Variants in RNF144A observed in about 807,000 individuals in gnomAD.
The protein encoded by RNF144A is E3 ubiquitin-protein ligase RNF144A.
Under a neutral mutation model 38.7 loss-of-function variants are expected in RNF144A, and 11 were observed. That is an observed-to-expected ratio of 0.28 (90% confidence interval 0.18 to 0.47). RNF144A has a LOEUF of 0.47. Ranked by LOEUF, RNF144A falls within the 20% of genes least tolerant of loss-of-function variation. The pLI is 0.99. For synonymous variants in RNF144A, 149 were observed against 143.9 expected, an observed-to-expected ratio of 1.04 and a Z score of -0.25; for missense variants, 316 against 377.2, an observed-to-expected ratio of 0.84 and a Z score of 1.34.
At position 6,955,684 on chromosome 2, in the gene RNF144A, A is replaced by G. The variant is rs1028796886; in HGVS notation, c.-12+14537A>G. Among the ~76,000 whole-genome samples, 15 of 152,274 alleles carry G rather than the reference A, an allele frequency of 9.9e-5. No homozygotes were observed. In the East Asian group the frequency reaches 2.7e-3, roughly 27 times the overall value. ...CAGCCAGACTTGCCCTGTCTGTTGC[A>G]TCCTAGCACCGTGCCTGCTCCTGGC... is the stretch of plus-strand genomic sequence containing the variant. On this transcript the variant is annotated intron_variant, in intron 2 of 8. Transcript: ENST00000320892.
At chr2:7,000,270 A>G (rs1477124213) in intron 3 of RNF144A, among the ~76,000 whole-genome samples, 17 of 152,238 alleles carry the variant, frequency 1.1e-4, no homozygotes, top group Admixed American at 1.1e-3. Context: ...GGTCAAATGT[A>G]AAGCTGAACA....
intron 6 of RNF144A, among the ~76,000 whole-genome samples, chr2:7,023,693 G>A (rs1337232517): frequency 6.6e-6 from 1 of 152,180 alleles, no homozygotes; most frequent in Non-Finnish European, 1.5e-5. Context: ...CTTCATAAAA[G>A]CTGCACCCTG....
At position 7,042,468 on chromosome 2, in the gene RNF144A, T is replaced by C; in HGVS notation, c.*2708T>C. 4.1e-6 allele frequency: 4 copies of C among 985,500 alleles called. No homozygotes were observed. Among genetic ancestry groups the C allele is most frequent in the Non-Finnish European group, 4.8e-6 (4 of 829,962 alleles). The allele number at this position is 985,500 out of a possible 1,614,324, so 61.0% of individuals were successfully genotyped here. A position where few individuals can be genotyped will look rare whatever the true frequency, so the allele number is the denominator to read the frequency against. ...GTGTTCACTAAGAGGCCTTTAATCC[T>C]GGGGAGTAAGGGGCGAAGGCCCTTA... On this transcript the variant is annotated 3_prime_UTR_variant, in exon 9 of 9. Coordinates refer to ENST00000320892, the MANE Select transcript of RNF144A (RefSeq NM_014746.6).
Position 6,958,896 on chromosome 2 carries a change from A to C in RNF144A, c.-12+17749A>C, listed in dbSNP as rs1015115532. Among the ~76,000 whole-genome samples the C allele has an allele frequency of 6.6e-6, 1 of 152,116 alleles. No individual in the cohort carries two copies. The highest frequency in any genetic ancestry group is 2.4e-5 in the African/African-American group (1 of 41,426). ...TATTCCAAAGCTTCTCTTTTACCCA[A>C]TGGCTCCCTAAAAGCTTCTCTTTTA... is the stretch of plus-strand genomic sequence containing the variant. On this transcript the variant is annotated intron_variant, in intron 2 of 8. Transcript: ENST00000320892. This position sits in a 1 kb window ranked among gnomAD's most constrained non-coding sequence, Gnocchi z 4.5.
downstream of RNF144A, among the ~76,000 whole-genome samples, chr2:7,045,963 T>C (rs1032688514): frequency 6.6e-6 from 1 of 152,206 alleles, no homozygotes; most frequent in Admixed American, 6.5e-5. Flanking sequence ...CATATTTCTG[T>C]GTCTACCTAG....
intron 2 of RNF144A, among the ~76,000 whole-genome samples, chr2:6,984,367 A>G (rs1482634246): frequency 6.6e-6 from 1 of 151,662 alleles, no homozygotes. Context: ...CAGTGGTGCA[A>G]TCTCAGCTCA....
downstream of RNF144A, among the ~76,000 whole-genome samples, chr2:7,068,730 G>A (rs1674338571): frequency 6.6e-6 from 1 of 152,122 alleles, no homozygotes; most frequent in Non-Finnish European, 1.5e-5. Context: ...ATAGAGACGG[G>A]GACTGAGATT....
In RNF144A at chr2:7,021,570, C is replaced by T. The variant is rs1402260491; in HGVS notation, c.509+890C>T. On this transcript the variant is annotated intron_variant, in intron 6 of 8. Transcript: ENST00000320892. ...CCTTTCCCTGGGGGCTCCTGCCACA[C>T]TTCAGGTGGGGATCACATCCCTTTG... Among the ~76,000 whole-genome samples the T allele has an allele frequency of 9.2e-5, 14 of 152,244 alleles. 1 individual carries two copies. Among genetic ancestry groups the T allele is most frequent in the Admixed American group, 9.2e-4 (14 of 15,282 alleles).
At chr2:7,068,123 G>C (rs1418382129) in intron 6 of RNF144A, 9 of 610,842 alleles carry the variant, frequency 1.5e-5, no homozygotes, top group Non-Finnish European at 2.5e-5. Flanking sequence ...CCTTTGCAGT[G>C]GTCCCTCTAT....
At chr2:7,018,759 A>T (rs1393697648) in intron 5 of RNF144A, among the ~76,000 whole-genome samples, 1 of 152,226 alleles carries the variant, frequency 6.6e-6, no homozygotes, top group Non-Finnish European at 1.5e-5. Flanking sequence ...ATTTTAGATT[A>T]TTATAATGAA....
downstream of RNF144A, among the ~76,000 whole-genome samples, chr2:7,071,559 G>T (rs969902931): frequency 1.3e-5 from 2 of 152,210 alleles, no homozygotes; most frequent in Non-Finnish European, 2.9e-5. Flanking sequence ...CAGCACCTAT[G>T]TGATCACATT....
intron 6 of RNF144A, among the ~76,000 whole-genome samples, chr2:7,067,313 G>A (rs912165318): frequency 5.3e-5 from 8 of 152,124 alleles, no homozygotes; most frequent in Non-Finnish European, 8.8e-5. Context: ...CTCCTTTCCT[G>A]GAGCCCCAAA....
At chr2:6,928,597 T>C (rs576399555) in intron 1 of RNF144A, among the ~76,000 whole-genome samples, 4 of 152,336 alleles carry the variant, frequency 2.6e-5, no homozygotes, top group African/African-American at 9.6e-5. Context: ...TGTCCTCCAC[T>C]GGCCTCCTGC....
At position 7,042,910 on chromosome 2, in the gene RNF144A, C is replaced by A; in HGVS notation, c.*3150C>A. 1 of 934,646 alleles carries A rather than the reference C, an allele frequency of 1.1e-6. No homozygotes were observed. Among genetic ancestry groups the A allele is most frequent in the Non-Finnish European group, 1.3e-6 (1 of 783,878 alleles). The allele number at this position is 934,646 out of a possible 1,614,324, so 57.9% of individuals were successfully genotyped here. A position where few individuals can be genotyped will look rare whatever the true frequency, so the allele number is the denominator to read the frequency against. ...GAGACGGAGTTTCGCTTTTGTCCCCCAAGCTGGAGTACAATGACAGGATCT... is the reference window on the plus strand; with the variant it reads ...GAGACGGAGTTTCGCTTTTGTCCCCAAAGCTGGAGTACAATGACAGGATCT... On this transcript the variant is annotated 3_prime_UTR_variant, in exon 9 of 9. Coordinates refer to ENST00000320892, the MANE Select transcript of RNF144A (RefSeq NM_014746.6).
chr2:6,937,453 G>A (rs543599668), intron 1 of RNF144A, among the ~76,000 whole-genome samples: 10 of 152,294 alleles, frequency 6.6e-5, no homozygotes, highest in Non-Finnish European at 1.2e-4. Context: ...TTATAATGCA[G>A]CTGGGAAAGG....
chr2:7,034,410 C>A (rs114941368), intron 8 of RNF144A, among the ~76,000 whole-genome samples: 1 of 152,202 alleles, frequency 6.6e-6, no homozygotes, highest in African/African-American at 2.4e-5. Flanking sequence ...TCCTTAGGAG[C>A]CCCAGCTTTG....
chr2:7,059,234 C>A (rs1245398646), intron 6 of RNF144A, among the ~76,000 whole-genome samples: 1 of 152,056 alleles, frequency 6.6e-6, no homozygotes, highest in Non-Finnish European at 1.5e-5. Context: ...GTAGTCCCAG[C>A]TACTTGGGAG....
chr2:7,076,035 C>T, the RNF144A span, among the ~76,000 whole-genome samples: 27 of 152,202 alleles, frequency 1.8e-4, no homozygotes, highest in Admixed American at 1.6e-3. Flanking sequence ...TTTTGATGAA[C>T]ATTTGTTTCT....
At chr2:7,070,300 AGCT>A (rs1674419267), downstream of RNF144A, among the ~76,000 whole-genome samples, 1 of 152,108 alleles carries the variant, frequency 6.6e-6, no homozygotes, top group Non-Finnish European at 1.5e-5. Flanking sequence ...CCTCCCGAGT[AGCT>A]GTGACTACAG....
Sources: gnomAD v4.1 joint callset for allele counts (sites outside exome capture counted in the v4.1 genomes callset) on GRCh38, gnomAD v4.1.1 for gene constraint, Gnocchi (gnomAD v3.1) non-coding constraint, MANE v1.5 for transcripts, NCBI Gene and HGNC (gene_info 2026-07-23, HGNC 2026-07-21) for gene names.